PACRG: variants seen among roughly 807,000 people sequenced by gnomAD.
The protein encoded by PACRG is parkin coregulated gene protein.
A neutral mutation model predicts 29.7 loss-of-function variants in PACRG; 29 were observed. The ratio of observed to expected loss-of-function variants is 0.98; its 90% confidence interval spans 0.73 to 1.33. The LOEUF (loss-of-function observed/expected upper bound fraction) is 1.33. PACRG is among the 40% of genes most tolerant of loss of function. PACRG has a pLI of 0.00. For missense variants in PACRG, 279 were observed against 316.2 expected, an observed-to-expected ratio of 0.88 and a Z score of 0.89; for synonymous variants, 116 against 118.7, an observed-to-expected ratio of 0.98 and a Z score of 0.15.
intron 4 of PACRG, among the ~76,000 whole-genome samples, chr6:163,212,483 AAAAG>A (rs1781185760): frequency 6.6e-6 from 1 of 152,184 alleles, no homozygotes. Flanking sequence ...AGCCATGTCA[AAAAG>A]AAAGAAAATG....
intron 2 of PACRG, among the ~76,000 whole-genome samples, chr6:163,027,321 A>G (rs1807225671): frequency 6.6e-6 from 1 of 152,188 alleles, no homozygotes; most frequent in Admixed American, 6.5e-5. Context: ...AATACTGAGC[A>G]GATCTAATTT....
At chr6:163,283,893 C>T (rs941801676) in intron 4 of PACRG, among the ~76,000 whole-genome samples, 1 of 151,822 alleles carries the variant, frequency 6.6e-6, no homozygotes, top group African/African-American at 2.4e-5. Flanking sequence ...GCCGGTAGAT[C>T]ACTTGAGGTC....
At chr6:163,214,136 C>T (rs990473995) in intron 4 of PACRG, among the ~76,000 whole-genome samples, 4 of 152,172 alleles carry the variant, frequency 2.6e-5, no homozygotes, top group African/African-American at 9.7e-5. Context: ...AAAATATTCA[C>T]TGTTTACTCT....
intron 2 of PACRG, among the ~76,000 whole-genome samples, chr6:162,894,873 G>A (rs1795046559): frequency 2.6e-5 from 4 of 152,010 alleles, no homozygotes; most frequent in Admixed American, 2.0e-4. Flanking sequence ...GATTCTTGTT[G>A]GCATATATTA....
intron 2 of PACRG, among the ~76,000 whole-genome samples, chr6:162,837,217 GT>G (rs1385213331): frequency 6.6e-6 from 1 of 152,098 alleles, no homozygotes; most frequent in Admixed American, 6.6e-5. Flanking sequence ...GGAAATTAGT[GT>G]TATTAAAGTC....
chr6:163,264,026 C>A (rs1190837566), intron 4 of PACRG, among the ~76,000 whole-genome samples: 1 of 152,114 alleles, frequency 6.6e-6, no homozygotes, highest in Non-Finnish European at 1.5e-5. Flanking sequence ...GCCAGTGTGC[C>A]TTTAGCCCAT....
At chr6:163,071,401 T>C (rs9458717) in intron 3 of PACRG, among the ~76,000 whole-genome samples, 5,680 of 152,056 alleles carry the variant, frequency 0.037, 375 homozygotes, top group African/African-American at 0.13. Context: ...TTGGAAACTA[T>C]ACAAATGCAT....
intron 2 of PACRG, among the ~76,000 whole-genome samples, chr6:163,053,087 G>A (rs1474966998): frequency 6.6e-6 from 1 of 151,548 alleles, no homozygotes; most frequent in African/African-American, 2.4e-5. Context: ...AAACTTTAAA[G>A]AAAGATTCCT....
At chr6:162,995,180 A>G (rs1388155028) in intron 2 of PACRG, among the ~76,000 whole-genome samples, 1 of 149,442 alleles carries the variant, frequency 6.7e-6, no homozygotes, top group Admixed American at 6.6e-5. Flanking sequence ...TGCAGAGGTT[A>G]CTGCTGTCTT....
At chr6:163,043,389 C>G (rs779923928) in intron 2 of PACRG, among the ~76,000 whole-genome samples, 7 of 152,130 alleles carry the variant, frequency 4.6e-5, no homozygotes, top group Non-Finnish European at 8.8e-5. Flanking sequence ...AACCCCATCT[C>G]TACCAAAAAT....
intron 4 of PACRG, among the ~76,000 whole-genome samples, chr6:163,254,917 A>G (rs1052320602): frequency 1.3e-5 from 2 of 152,238 alleles, no homozygotes; most frequent in African/African-American, 4.8e-5. Context: ...GTGCCTCCTC[A>G]GTATCTTAAC....
At chr6:163,037,861 C>G (rs1255116240) in intron 2 of PACRG, among the ~76,000 whole-genome samples, 1 of 152,172 alleles carries the variant, frequency 6.6e-6, no homozygotes, top group African/African-American at 2.4e-5. Flanking sequence ...GGGAGGCACT[C>G]CCTCTGGCTT....
intron 4 of PACRG, among the ~76,000 whole-genome samples, chr6:163,285,300 G>A (rs1784361039): frequency 6.6e-6 from 1 of 151,860 alleles, no homozygotes; most frequent in African/African-American, 2.4e-5. Context: ...TTACGCCCCT[G>A]TCTCCTTCCT....
intron 4 of PACRG, among the ~76,000 whole-genome samples, chr6:163,238,567 T>C (rs1389733219): frequency 6.6e-6 from 1 of 152,250 alleles, no homozygotes; most frequent in Admixed American, 6.5e-5. Flanking sequence ...AGATTCTCTC[T>C]GCTGTCAAAG....
At chr6:163,196,858 TAGAC>T (rs150874679) in intron 4 of PACRG, among the ~76,000 whole-genome samples, 8,152 of 150,500 alleles carry the variant, frequency 0.054, 255 homozygotes, top group South Asian at 0.075. Flanking sequence ...GATAGACAAA[TAGAC>T]AGACAAATAG....
At chr6:162,930,673 C>T (rs1228177268) in intron 2 of PACRG, among the ~76,000 whole-genome samples, 1 of 151,868 alleles carries the variant, frequency 6.6e-6, no homozygotes, top group Non-Finnish European at 1.5e-5. Context: ...TGTTCCATAT[C>T]GTAGAGGAAA....
chr6:162,954,498 A>G (rs1325104304), intron 2 of PACRG, among the ~76,000 whole-genome samples: 1 of 150,746 alleles, frequency 6.6e-6, no homozygotes, highest in African/African-American at 2.5e-5. Flanking sequence ...CTAAATATTT[A>G]AACATTATTT....
At chr6:163,017,718 A>T (rs529846946) in intron 2 of PACRG, among the ~76,000 whole-genome samples, 132 of 152,328 alleles carry the variant, frequency 8.7e-4, no homozygotes, top group Non-Finnish European at 1.7e-3. Context: ...ACATAAATGC[A>T]GAGATATTCT....
intron 2 of PACRG, among the ~76,000 whole-genome samples, chr6:162,989,039 A>G (rs1309997769): frequency 6.6e-6 from 1 of 152,204 alleles, no homozygotes; most frequent in Non-Finnish European, 1.5e-5. Flanking sequence ...AAATAGCCCA[A>G]TCAAGAATAG....
Sources: gnomAD v4.1 joint callset for allele counts (sites outside exome capture counted in the v4.1 genomes callset) on GRCh38, gnomAD v4.1.1 for gene constraint, MANE v1.5 for transcripts, NCBI Gene and HGNC (gene_info 2026-07-23, HGNC 2026-07-21) for gene names.